ASTN2: variants seen among roughly 807,000 people sequenced by gnomAD.
ASTN2 encodes the protein astrotactin-2.
A neutral mutation model predicts 139.8 loss-of-function variants in ASTN2; 54 were observed. That is an observed-to-expected ratio of 0.39 (90% confidence interval 0.31 to 0.48). The LOEUF (loss-of-function observed/expected upper bound fraction) is 0.48, where lower values mean the gene tolerates loss of function less well. ASTN2 is among the 20% of genes least tolerant of loss of function. The pLI is 0.95. For missense variants in ASTN2, 1,565 were observed against 1,725.1 expected (o/e 0.91, Z 1.64); for synonymous variants, 756 against 719.5 (o/e 1.05, Z -0.81).
At chr9:117,378,598 G>A (rs1338746643) in intron 1 of ASTN2, among the ~76,000 whole-genome samples, 2 of 152,068 alleles carry the variant, frequency 1.3e-5, no homozygotes, top group East Asian at 3.9e-4. Flanking sequence ...GGGAAAAGGT[G>A]GGAGAAAACC....
rs781568094 is a variant in ASTN2, at chr9:116,996,304, CAT to C, written c.1591+11786_1591+11787del. Among the ~76,000 whole-genome samples, 50 of 152,180 alleles carry C rather than the reference CAT, an allele frequency of 3.3e-4. 2 individuals are homozygous for C. The highest frequency in any genetic ancestry group is 6.8e-3 in the Middle Eastern group (2 of 294). On this transcript the variant is annotated intron_variant, in intron 7 of 22. Coordinates refer to ENST00000313400, the MANE Select transcript of ASTN2 (RefSeq NM_001365068.1). ...TTCTTAGTGGTACATAAACTATATA[CAT>C]ATGTGTATGTGTCTTAATTTATTTA...
Position 117,272,218 on chromosome 9 carries a change from T to G in ASTN2, c.630+19108A>C, listed in dbSNP as rs532868122. On this transcript the variant is annotated intron_variant, in intron 2 of 22. Coordinates refer to ENST00000313400, the MANE Select transcript of ASTN2 (RefSeq NM_001365068.1). The stretch of plus-strand genomic sequence containing the variant: ...ACACCATGTGGAAGCTGCCAAGCCT[T>G]GGGGCTTCAACCCTCTAAAGCCACA... Among the ~76,000 whole-genome samples the G allele has an allele frequency of 1.4e-4, 21 of 152,364 alleles. No homozygotes were observed. The East Asian group carries it at 4.1e-3, about 29-fold the overall frequency.
intron 13 of ASTN2, among the ~76,000 whole-genome samples, chr9:116,746,471 T>G (rs911419224): frequency 2.0e-5 from 3 of 152,118 alleles, no homozygotes; most frequent in African/African-American, 7.2e-5. Context: ...TTGGTTTCAC[T>G]GGGGCCTCCT....
At chr9:117,117,945 G>A (rs971155257) in intron 4 of ASTN2, among the ~76,000 whole-genome samples, 1 of 151,846 alleles carries the variant, frequency 6.6e-6, no homozygotes, top group African/African-American at 2.4e-5. Context: ...CAGAATGTAG[G>A]GGAAACCCCT....
At chr9:117,170,845 A>C (rs1762413218) in intron 3 of ASTN2, among the ~76,000 whole-genome samples, 2 of 152,208 alleles carry the variant, frequency 1.3e-5, no homozygotes, top group South Asian at 2.1e-4. Context: ...CTTTTCCCAC[A>C]TACTAATATA....
intron 20 of ASTN2, among the ~76,000 whole-genome samples, chr9:116,446,835 A>T (rs1848014291): frequency 6.6e-6 from 1 of 152,198 alleles, no homozygotes; most frequent in South Asian, 2.1e-4. Context: ...GGCTTAGTGT[A>T]TTGGGAGGTT....
At chr9:117,072,859 G>T (rs1828171738) in intron 5 of ASTN2, among the ~76,000 whole-genome samples, 1 of 152,090 alleles carries the variant, frequency 6.6e-6, no homozygotes, top group Non-Finnish European at 1.5e-5. Flanking sequence ...GCATACAAAG[G>T]GTTAGGTATC....
At chr9:116,929,974 C>T (rs1342427211) in intron 10 of ASTN2, among the ~76,000 whole-genome samples, 1 of 152,138 alleles carries the variant, frequency 6.6e-6, no homozygotes, top group Non-Finnish European at 1.5e-5. Context: ...GCTGTCAGTC[C>T]CCTGATACTA....
intron 19 of ASTN2, among the ~76,000 whole-genome samples, chr9:116,542,715 G>A (rs951929597): frequency 1.3e-5 from 2 of 152,130 alleles, no homozygotes; most frequent in Non-Finnish European, 2.9e-5. Context: ...CTGAGCTCAG[G>A]AGTTCAAGAC....
At chr9:116,626,154 G>GTTTTTTTTTTTTTTTTTTTTTTTTTTT (rs751026997) in intron 17 of ASTN2, among the ~76,000 whole-genome samples, 1 of 34,414 alleles carries the variant, frequency 2.9e-5, no homozygotes, top group Non-Finnish European at 5.6e-5. Context: ...TAGTTTTTGT[G>GTTTTTTTTTTTTTTTTTTTTTTTTTTT]TTTTTTTTTT....
intron 3 of ASTN2, among the ~76,000 whole-genome samples, chr9:117,186,596 C>T (rs1044682375): frequency 6.6e-6 from 1 of 151,724 alleles, no homozygotes; most frequent in Admixed American, 6.6e-5. Flanking sequence ...AAAATAAATC[C>T]CATTAGCTGA....
intron 4 of ASTN2, among the ~76,000 whole-genome samples, chr9:117,096,427 A>C (rs1828842781): frequency 6.6e-6 from 1 of 152,190 alleles, no homozygotes; most frequent in Non-Finnish European, 1.5e-5. Flanking sequence ...ATAGGGATAA[A>C]ATTATTCACC....
chr9:116,771,878 G>C (rs544208902), intron 13 of ASTN2, among the ~76,000 whole-genome samples: 215 of 152,222 alleles, frequency 1.4e-3, no homozygotes, highest in African/African-American at 5.1e-3. Context: ...AGTGTAGGCA[G>C]GCAAGAGAAC....
At chr9:116,924,766 TG>T (rs1834709877) in intron 10 of ASTN2, among the ~76,000 whole-genome samples, 1 of 152,146 alleles carries the variant, frequency 6.6e-6, no homozygotes, top group South Asian at 2.1e-4. Flanking sequence ...TTGGTTTTGG[TG>T]GGATTTGGAT....
chr9:116,455,951 C>T (rs1313855968), intron 20 of ASTN2, among the ~76,000 whole-genome samples: 2 of 151,988 alleles, frequency 1.3e-5, no homozygotes, highest in African/African-American at 4.8e-5. Context: ...CCTTTAAGAT[C>T]TGGAACAAGA....
intron 19 of ASTN2, chr9:116,568,928 G>A (rs1381576561): frequency 6.6e-6 from 1 of 152,140 alleles, no homozygotes; most frequent in Non-Finnish European, 1.5e-5. Flanking sequence ...CTTTAGGCAA[G>A]GTGAGGCCTT....
intron 10 of ASTN2, among the ~76,000 whole-genome samples, chr9:116,914,262 T>G (rs1360460449): frequency 6.6e-6 from 1 of 151,910 alleles, no homozygotes; most frequent in Admixed American, 6.6e-5. Context: ...TGACTAGCTA[T>G]GTGAACATGA....
rs3041147 is a variant in ASTN2 at position 117,108,438 on chromosome 9, A to AACACACACACACACACACACACACACAC, written c.1169-12315_1169-12288dup. Among the ~76,000 whole-genome samples the AACACACACACACACACACACACACACAC allele has an allele frequency of 2.0e-3, 284 of 145,338 alleles. 2 individuals are homozygous for AACACACACACACACACACACACACACAC. Among genetic ancestry groups the AACACACACACACACACACACACACACAC allele is most frequent in the Non-Finnish European group, 3.3e-3 (220 of 66,086 alleles). On this transcript the variant is annotated intron_variant, in intron 4 of 22. Transcript: ENST00000313400. ...TTTGGAAAAAAACAAAACAAAACAAAACACACACACACACACACACACACA... is the reference window on the plus strand; with the variant it reads ...TTTGGAAAAAAACAAAACAAAACAAAACACACACACACACACACACACACACACACACACACACACACACACACACACA...
At chr9:117,376,627 C>T (rs1271932719) in intron 1 of ASTN2, among the ~76,000 whole-genome samples, 2 of 152,124 alleles carry the variant, frequency 1.3e-5, no homozygotes, top group Non-Finnish European at 2.9e-5. Flanking sequence ...AGGAGCGAAG[C>T]CTGAGCTAAA....
Sources: allele counts gnomAD v4.1 joint callset (sites outside exome capture counted in the v4.1 genomes callset), GRCh38; gene constraint gnomAD v4.1.1; transcripts MANE v1.5; gene names NCBI Gene and HGNC (gene_info 2026-07-23, HGNC 2026-07-21).